Variants in SLC39A10 observed in about 807,000 individuals in gnomAD.
SLC39A10 encodes zinc transporter ZIP10.
Under a neutral mutation model 65.1 loss-of-function variants are expected in SLC39A10, and 13 were observed. The observed-to-expected ratio is 0.20, with a 90% CI of 0.13 to 0.32. SLC39A10 has a LOEUF of 0.32. Among genes scored for constraint, SLC39A10 ranks in the 10% least tolerant of loss-of-function variants. The pLI is 1.00. For missense variants in SLC39A10, 831 were observed against 1,018.4 expected (o/e 0.82, Z 2.50); for synonymous variants, 321 against 342.2 (o/e 0.94, Z 0.68).
chr2:195,712,197 CT>C, intron 5 of SLC39A10, among the ~76,000 whole-genome samples: 1 of 152,226 alleles, frequency 6.6e-6, no homozygotes, highest in East Asian at 1.9e-4. Context: ...AGAGACCAAT[CT>C]TCTTCATAGG....
intron 5 of SLC39A10, among the ~76,000 whole-genome samples, chr2:195,710,863 G>A (rs897312885): frequency 3.9e-5 from 6 of 152,132 alleles, no homozygotes; most frequent in East Asian, 3.8e-4. Context: ...TCTGATGGAC[G>A]AGTAGAGAAT....
intron 1 of SLC39A10, among the ~76,000 whole-genome samples, chr2:195,667,854 A>G (rs1433645208): frequency 1.3e-5 from 2 of 152,222 alleles, no homozygotes; most frequent in Non-Finnish European, 2.9e-5. Context: ...TATATTATTA[A>G]TAGCTTGCAC....
At chr2:195,618,109 G>A (rs1210124254) in intron 2 of SLC39A10, among the ~76,000 whole-genome samples, 5 of 152,020 alleles carry the variant, frequency 3.3e-5, no homozygotes, top group Admixed American at 6.5e-5. Flanking sequence ...CAGTACTTTG[G>A]GAGGCTGAGG....
At chr2:195,621,286 C>G (rs1363706181) in intron 2 of SLC39A10, among the ~76,000 whole-genome samples, 1 of 152,042 alleles carries the variant, frequency 6.6e-6, no homozygotes, top group Non-Finnish European at 1.5e-5. Context: ...TATAGATATA[C>G]TATGTTTTTC....
At chr2:195,650,127 A>G (rs1689000006) in intron 2 of SLC39A10, among the ~76,000 whole-genome samples, 1 of 152,034 alleles carries the variant, frequency 6.6e-6, no homozygotes, top group South Asian at 2.1e-4. Context: ...CTAAAAATAC[A>G]AAAAATTAGC....
At chr2:195,664,057 C>A (rs1208573625) in intron 1 of SLC39A10, among the ~76,000 whole-genome samples, 1 of 151,920 alleles carries the variant, frequency 6.6e-6, no homozygotes, top group Non-Finnish European at 1.5e-5. Context: ...AGCAAATAAT[C>A]ATGCCAGTTA....
chr2:195,697,773 C>T (rs1387129690), intron 3 of SLC39A10, among the ~76,000 whole-genome samples: 2 of 152,264 alleles, frequency 1.3e-5, no homozygotes, highest in East Asian at 1.9e-4. Context: ...CATGAATAAA[C>T]ACTTTTCAAT....
chr2:195,689,299 G>C (rs1227284725), intron 3 of SLC39A10, among the ~76,000 whole-genome samples: 2 of 152,026 alleles, frequency 1.3e-5, no homozygotes, highest in East Asian at 1.9e-4. Context: ...GTGCATGCCG[G>C]TGGTCCCACC....
chr2:195,698,888 T>C (rs946695364), intron 3 of SLC39A10, among the ~76,000 whole-genome samples: 1 of 152,018 alleles, frequency 6.6e-6, no homozygotes, highest in South Asian at 2.1e-4. Context: ...GAAGGATTGG[T>C]ATTAGTTCTT....
chr2:195,633,904 C>T (rs1231450250), intron 2 of SLC39A10, among the ~76,000 whole-genome samples: 1 of 152,206 alleles, frequency 6.6e-6, no homozygotes, highest in African/African-American at 2.4e-5. Flanking sequence ...TCGCTTTAGG[C>T]CATGGTCTCA....
At chr2:195,657,173 C>A (rs1465463022), upstream of SLC39A10, 2 of 161,766 alleles carry the variant, frequency 1.2e-5, no homozygotes, top group African/African-American at 4.8e-5. Flanking sequence ...TCAGACGCGC[C>A]GGTTTCTGCG....
chr2:195,681,415 A>G (rs1454668162), intron 2 of SLC39A10, among the ~76,000 whole-genome samples: 1 of 152,012 alleles, frequency 6.6e-6, no homozygotes. Flanking sequence ...AGCCCCAGCT[A>G]CTCGGGAGGC....
At position 195,680,643 on chromosome 2, in the gene SLC39A10, A is replaced by AT; in HGVS notation, c.603dup (p.Thr202TyrfsTer4). ...CACTCACCATTTTCATAATGATTCCATTACTCCCAGTGAGCGTGGGGAGCC... is the reference window on the plus strand; with the variant it reads ...CACTCACCATTTTCATAATGATTCCATTTACTCCCAGTGAGCGTGGGGAGCC... On this transcript the variant is annotated frameshift_variant, in exon 2 of 10. Coordinates refer to ENST00000359634, the MANE Select transcript of SLC39A10 (RefSeq NM_020342.3). LOFTEE classifies it high-confidence loss of function. 6.2e-7 allele frequency: 1 copy of AT among 1,614,112 alleles called. No homozygotes were observed. The highest frequency in any genetic ancestry group is 8.5e-7 in the Non-Finnish European group (1 of 1,180,018).
chr2:195,663,797 T>TC (rs1689519331), intron 1 of SLC39A10, among the ~76,000 whole-genome samples: 1 of 151,590 alleles, frequency 6.6e-6, no homozygotes, highest in African/African-American at 2.4e-5. Context: ...TTTTCTTTTT[T>TC]TTTTTTTCAA....
intron 2 of SLC39A10, among the ~76,000 whole-genome samples, chr2:195,622,251 A>G (rs1413637105): frequency 6.6e-6 from 1 of 152,112 alleles, no homozygotes; most frequent in African/African-American, 2.4e-5. Context: ...CTGTAGTCCC[A>G]GCTATATGGG....
intron 3 of SLC39A10, among the ~76,000 whole-genome samples, chr2:195,702,460 G>GT (rs1307457132): frequency 1.3e-5 from 2 of 152,164 alleles, no homozygotes; most frequent in Non-Finnish European, 2.9e-5. Context: ...TCCCCTAGAA[G>GT]TTGCAAGCCT....
chr2:195,625,919 G>C (rs1688463534), intron 2 of SLC39A10, among the ~76,000 whole-genome samples: 1 of 152,192 alleles, frequency 6.6e-6, no homozygotes, highest in Admixed American at 6.5e-5. Context: ...TGAATAGCTG[G>C]GACTACAGTT....
Position 195,657,294 on chromosome 2 carries a change from C to A in SLC39A10, c.-12+13C>A. ...ACTCGAGTGTGAGGTAACTATAAAA[C>A]CCCGATTTGTTTACATTCCCTCCCC... On this transcript the variant is annotated intron_variant, in intron 1 of 9. Transcript: ENST00000359634. 1 of 756,580 alleles carries A rather than the reference C, an allele frequency of 1.3e-6. No individual in the cohort carries two copies. The highest frequency in any genetic ancestry group is 1.6e-6 in the Non-Finnish European group (1 of 620,870). The allele number at this position is 756,580 out of a possible 1,614,324, so 46.9% of individuals were successfully genotyped here. A position where few individuals can be genotyped will look rare whatever the true frequency, so the allele number is the denominator to read the frequency against.
intron 2 of SLC39A10, among the ~76,000 whole-genome samples, chr2:195,651,565 C>T (rs888672641): frequency 6.6e-6 from 1 of 152,134 alleles, no homozygotes; most frequent in Admixed American, 6.5e-5. Context: ...ACCTCCATCT[C>T]CCAGGATCAA....
Sources: gnomAD v4.1 joint callset for allele counts (sites outside exome capture counted in the v4.1 genomes callset) on GRCh38, gnomAD v4.1.1 for gene constraint, MANE v1.5 for transcripts, NCBI Gene and HGNC (gene_info 2026-07-23, HGNC 2026-07-21) for gene names.